JAZF1: variants seen among roughly 807,000 people sequenced by gnomAD.
JAZF1 encodes the protein juxtaposed with another zinc finger protein 1.
Under a neutral mutation model 26.4 loss-of-function variants are expected in JAZF1, and 8 were observed. The observed-to-expected ratio is 0.30, with a 90% CI of 0.18 to 0.55. JAZF1 has a LOEUF of 0.55. Ranked by LOEUF, JAZF1 falls within the 20% of genes least tolerant of loss-of-function variation. JAZF1 has a pLI of 0.94. For missense variants in JAZF1, 199 were observed against 322.0 expected, an observed-to-expected ratio of 0.62 and a Z score of 2.92; for synonymous variants, 126 against 122.3, an observed-to-expected ratio of 1.03 and a Z score of -0.20.
chr7:27,914,339 G>A (rs150565601), intron 2 of JAZF1, among the ~76,000 whole-genome samples: 1 of 152,242 alleles, frequency 6.6e-6, no homozygotes, highest in African/African-American at 2.4e-5. Context: ...GCACCTGAGG[G>A]AGGGCACAAA....
chr7:27,888,749 A>C (rs1783914474), intron 3 of JAZF1, among the ~76,000 whole-genome samples: 1 of 152,250 alleles, frequency 6.6e-6, no homozygotes, highest in Admixed American at 6.5e-5. Flanking sequence ...GCAGAAGCTT[A>C]AATTTTATAT....
At chr7:28,146,089 C>T (rs936399260) in intron 1 of JAZF1, among the ~76,000 whole-genome samples, 1 of 152,120 alleles carries the variant, frequency 6.6e-6, no homozygotes, top group African/African-American at 2.4e-5. Flanking sequence ...TTGTCTTTGG[C>T]AGAAATGTCA....
intron 1 of JAZF1, among the ~76,000 whole-genome samples, chr7:28,177,365 A>T (rs1190080420): frequency 2.0e-5 from 3 of 152,260 alleles, no homozygotes; most frequent in Non-Finnish European, 4.4e-5. Context: ...AAAGTTAAGC[A>T]TACACATATA....
At position 28,005,584 on chromosome 7, in the gene JAZF1, G is replaced by A. The variant is rs889963636; in HGVS notation, c.116-13603C>T. ...GGCTGGCTAGAGCATTATGCCTGCC[G>A]ACTCCACACCCAGGTGGCAGCCAGG... On this transcript the variant is annotated intron_variant, in intron 1 of 4. Transcript: ENST00000283928. Among the ~76,000 whole-genome samples the A allele has an allele frequency of 2.0e-5, 3 of 152,126 alleles. No individual in the cohort carries two copies. The East Asian group carries it at 5.8e-4, about 29-fold the overall frequency.
chr7:27,911,269 T>G lies in JAZF1; in HGVS notation c.189-15853A>C, dbSNP rs369712402. On this transcript the variant is annotated intron_variant, in intron 2 of 4. Coordinates refer to ENST00000283928, the MANE Select transcript of JAZF1 (RefSeq NM_175061.4). The stretch of plus-strand genomic sequence containing the variant: ...TTAAAGAAGGAATAAGGGCAAAAGA[T>G]CTATGACTTTTAAAGTCTTTTTAGT... 2.5e-4 allele frequency among the ~76,000 whole-genome samples: 38 copies of G among 152,342 alleles called. No individual in the cohort carries two copies. In the East Asian group the frequency reaches 6.0e-3, roughly 24 times the overall value.
At chr7:27,931,514 G>A (rs1255540801) in intron 2 of JAZF1, among the ~76,000 whole-genome samples, 1 of 152,202 alleles carries the variant, frequency 6.6e-6, no homozygotes, top group Non-Finnish European at 1.5e-5. Context: ...TGCACATGAT[G>A]GCAAAAATCA....
chr7:28,168,432 C>T (rs573745519), intron 1 of JAZF1, among the ~76,000 whole-genome samples: 1 of 149,674 alleles, frequency 6.7e-6, no homozygotes, highest in Non-Finnish European at 1.5e-5. Flanking sequence ...ATCTTAATTC[C>T]TAGCTTCTCT....
At chr7:28,050,755 C>G (rs940952023) in intron 1 of JAZF1, among the ~76,000 whole-genome samples, 7 of 152,128 alleles carry the variant, frequency 4.6e-5, no homozygotes, top group Non-Finnish European at 4.4e-5. Flanking sequence ...CTCATTAAGT[C>G]ATGCTTGTTG....
At chr7:27,933,887 T>G (rs1340121515) in intron 2 of JAZF1, among the ~76,000 whole-genome samples, 1 of 152,170 alleles carries the variant, frequency 6.6e-6, no homozygotes, top group African/African-American at 2.4e-5. Flanking sequence ...TTTCCTAATG[T>G]CCCACACTGT....
At chr7:28,147,856 G>A (rs920732842) in intron 1 of JAZF1, among the ~76,000 whole-genome samples, 1 of 151,880 alleles carries the variant, frequency 6.6e-6, no homozygotes, top group African/African-American at 2.4e-5. Flanking sequence ...GCTGCAGTGA[G>A]CACTGATTGC....
At chr7:27,949,904 C>T (rs1417646155) in intron 2 of JAZF1, among the ~76,000 whole-genome samples, 1 of 152,222 alleles carries the variant, frequency 6.6e-6, no homozygotes, top group Non-Finnish European at 1.5e-5. Flanking sequence ...ACCCCTCAGA[C>T]ACAGGTCAAA....
At chr7:27,882,967 A>G (rs934140779) in intron 3 of JAZF1, among the ~76,000 whole-genome samples, 1 of 152,170 alleles carries the variant, frequency 6.6e-6, no homozygotes, top group African/African-American at 2.4e-5. Flanking sequence ...TTGTTTATTC[A>G]TATTTTCAGT....
chr7:27,886,337 G>A (rs1346027826), intron 3 of JAZF1, among the ~76,000 whole-genome samples: 1 of 152,186 alleles, frequency 6.6e-6, no homozygotes, highest in African/African-American at 2.4e-5. Flanking sequence ...TGCTCCCAGA[G>A]TTCTGGAGGG....
At chr7:27,934,359 G>A (rs1428709884) in intron 2 of JAZF1, among the ~76,000 whole-genome samples, 2 of 151,900 alleles carry the variant, frequency 1.3e-5, no homozygotes, top group Non-Finnish European at 2.9e-5. Flanking sequence ...AAGCCAAAAG[G>A]AAGAAAAAGA....
intron 2 of JAZF1, among the ~76,000 whole-genome samples, chr7:27,927,961 A>G (rs1253670763): frequency 1.3e-5 from 2 of 152,202 alleles, no homozygotes; most frequent in African/African-American, 4.8e-5. Flanking sequence ...TGAATCTACA[A>G]GGCCCACATG....
chr7:27,938,729 TG>T (rs1469518821), intron 2 of JAZF1, among the ~76,000 whole-genome samples: 1 of 151,998 alleles, frequency 6.6e-6, no homozygotes, highest in Admixed American at 6.6e-5. Context: ...TGGAGTGCAG[TG>T]GCATGATTAT....
At chr7:27,870,681 C>T (rs185812618) in intron 3 of JAZF1, among the ~76,000 whole-genome samples, 3 of 152,192 alleles carry the variant, frequency 2.0e-5, no homozygotes, top group Non-Finnish European at 2.9e-5. Flanking sequence ...GGTGGAAGTC[C>T]GGCCCCCAGG....
At chr7:28,066,602 CAAAAAA>C (rs911062551) in intron 1 of JAZF1, among the ~76,000 whole-genome samples, 132 of 31,772 alleles carry the variant, frequency 4.2e-3, no homozygotes, top group African/African-American at 0.013. Flanking sequence ...GACTCCATCT[CAAAAAA>C]AAAAAAAAAA....
At chr7:28,074,504 T>C (rs1583545863) in intron 1 of JAZF1, among the ~76,000 whole-genome samples, 1 of 152,218 alleles carries the variant, frequency 6.6e-6, no homozygotes, top group Admixed American at 6.5e-5. Flanking sequence ...TATGTACTTA[T>C]GTGTACATAC....
Sources: gnomAD v4.1 joint callset for allele counts (sites outside exome capture counted in the v4.1 genomes callset) on GRCh38, gnomAD v4.1.1 for gene constraint, MANE v1.5 for transcripts, NCBI Gene and HGNC (gene_info 2026-07-23, HGNC 2026-07-21) for gene names.